CLEC6A: variants seen among roughly 807,000 people sequenced by gnomAD.
CLEC6A encodes C-type lectin domain containing 6A.
In CLEC6A, 22 loss-of-function variants were observed where a neutral mutation model predicts 25.7. The ratio of observed to expected loss-of-function variants is 0.85; its 90% CI spans 0.61 to 1.22. The LOEUF (loss-of-function observed/expected upper bound fraction) is 1.22. Ranked by LOEUF, CLEC6A falls within the 50% of genes most tolerant of loss-of-function variation. The pLI is 0.00. For missense variants in CLEC6A, 240 were observed against 236.8 expected (o/e 1.01, Z -0.09); for synonymous variants, 92 against 76.7 (o/e 1.20, Z -1.04).
intron 1 of CLEC6A, 37 bp downstream of exon 1, chr12:8,456,179 G>A: frequency 6.2e-7 from 1 of 1,607,046 alleles, no homozygotes; most frequent in Non-Finnish European, 8.5e-7. Context: ...AAGTGGAAGT[G>A]TATGGTGAAA....
At chr12:8,470,630 A>G (rs747634330) in intron 4 of CLEC6A, among the ~76,000 whole-genome samples, 22 of 152,326 alleles carry the variant, frequency 1.4e-4, no homozygotes, top group Non-Finnish European at 2.9e-4. Context: ...CATTATTCTA[A>G]GTGAAGTAAC....
chr12:8,459,567 T>TG, intron 2 of CLEC6A, 30 bp from the exon 3 acceptor site: 1 of 1,369,668 alleles, frequency 7.3e-7, no homozygotes, highest in East Asian at 2.3e-5. Context: ...AAATAATAGA[T>TG]GGACACTAAT....
Position 8,473,296 on chromosome 12 carries a change from C to T in CLEC6A, c.370-2829C>T, listed in dbSNP as rs1939930079. Among the ~76,000 whole-genome samples, 2 of 151,704 alleles carry T rather than the reference C, an allele frequency of 1.3e-5. 1 individual carries two copies. Among genetic ancestry groups the T allele is most frequent in the Non-Finnish European group, 2.9e-5 (2 of 67,918 alleles). On this transcript the variant is annotated intron_variant, in intron 4 of 5. Transcript: ENST00000382073. ...GGCGTGAGCCACCGCGCCCGGCCAG[C>T]TCCTACTTCTTATAAGTGAGAACAT...
intron 3 of CLEC6A, among the ~76,000 whole-genome samples, chr12:8,463,771 C>T (rs1313201243): frequency 6.6e-6 from 1 of 152,196 alleles, no homozygotes; most frequent in East Asian, 1.9e-4. Context: ...TTTACACCTG[C>T]TACTTTCTAC....
rs1939696847 is a variant in CLEC6A at position 8,457,823 on chromosome 12, T to C, written c.32-75T>C. 6.7e-6 allele frequency: 7 copies of C among 1,039,966 alleles called. No homozygotes were observed. The East Asian group carries it at 9.5e-5, about 14-fold the overall frequency. 64.4% of individuals were successfully genotyped at this position (1,039,966 alleles called of 1,614,324 possible). A position where few individuals can be genotyped will look rare whatever the true frequency, so the allele number is the denominator to read the frequency against. ...TGAGGTTCTTCATCTAGTTTGTTCA[T>C]TGTTGTAAGCTTCCTGGGGATTTTG... On this transcript the variant is annotated intron_variant, in intron 1 of 5. Transcript: ENST00000382073.
At chr12:8,466,008 G>T (rs1288875571) in intron 4 of CLEC6A, among the ~76,000 whole-genome samples, 1 of 151,768 alleles carries the variant, frequency 6.6e-6, no homozygotes, top group Non-Finnish European at 1.5e-5. Flanking sequence ...TTCACTTTAG[G>T]GCTGAATAAC....
At chr12:8,462,442 A>C (rs7137331) in intron 3 of CLEC6A, among the ~76,000 whole-genome samples, 88,783 of 118,292 alleles carry the variant, frequency 0.75, 33,907 homozygotes, top group East Asian at 0.99. Context: ...CTGCCCGTCC[A>C]TGGGCAATGG....
chr12:8,458,634 A>G (rs1363484467), intron 2 of CLEC6A, among the ~76,000 whole-genome samples: 2 of 152,186 alleles, frequency 1.3e-5, no homozygotes, highest in East Asian at 3.9e-4. Flanking sequence ...ATCAGGTTGT[A>G]GCTATAGTTC....
At chr12:8,474,285 A>T (rs938011069) in intron 4 of CLEC6A, among the ~76,000 whole-genome samples, 24 of 152,132 alleles carry the variant, frequency 1.6e-4, no homozygotes, top group Non-Finnish European at 2.9e-4. Flanking sequence ...ATTCTTCGGC[A>T]TATGATTACC....
intron 4 of CLEC6A, among the ~76,000 whole-genome samples, chr12:8,467,664 A>G (rs1939850212): frequency 6.6e-6 from 1 of 152,178 alleles, no homozygotes; most frequent in South Asian, 2.1e-4. Flanking sequence ...TATTTTGGCT[A>G]TTAGGGATTT....
rs1349520495 is a variant in CLEC6A at position 8,477,709 on chromosome 12, AT to A, written c.*252del. Reference sequence around the variant, plus strand: ...TGTTCCATTCTTTCACTTGTTATTCATTTTTTTCTTTCTTCACACTTCATTA... The same window carrying A: ...TGTTCCATTCTTTCACTTGTTATTCATTTTTTCTTTCTTCACACTTCATTA... On this transcript the variant is annotated 3_prime_UTR_variant, in exon 6 of 6. Coordinates refer to ENST00000382073, the MANE Select transcript of CLEC6A (RefSeq NM_001007033.2). The A allele has an allele frequency of 2.4e-4, 74 of 302,316 alleles. 1 individual carries two copies. Among genetic ancestry groups the A allele is most frequent in the Middle Eastern group, 9.1e-4 (1 of 1,098 alleles). The allele number at this position is 302,316 out of a possible 1,614,324, so 18.7% of individuals were successfully genotyped here. A position where few individuals can be genotyped will look rare whatever the true frequency, so the allele number is the denominator to read the frequency against.
chr12:8,461,204 A>G (rs1939749364), intron 3 of CLEC6A: 2 of 938,742 alleles, frequency 2.1e-6, no homozygotes, highest in South Asian at 1.3e-5. Flanking sequence ...AGAATGTGCA[A>G]TACTCTCCAG....
intron 4 of CLEC6A, 69 bp downstream of exon 4, chr12:8,465,698 C>A (rs1428068919): frequency 1.4e-6 from 2 of 1,384,420 alleles, no homozygotes; most frequent in Non-Finnish European, 1.0e-6. Context: ...CTGTCATAAC[C>A]ATTTTTCAGT....
intron 5 of CLEC6A, 71 bp from the exon 6 acceptor site, chr12:8,477,249 G>A (rs927639086): frequency 7.8e-7 from 1 of 1,287,982 alleles, no homozygotes; most frequent in Non-Finnish European, 1.1e-6. Context: ...GTTCACCCCA[G>A]ACTTTTATAC....
chr12:8,456,426 T>C (rs898603269), intron 1 of CLEC6A, among the ~76,000 whole-genome samples: 1 of 152,194 alleles, frequency 6.6e-6, no homozygotes, highest in Non-Finnish European at 1.5e-5. Flanking sequence ...AAATAACTGA[T>C]TATTGGATGT....
chr12:8,468,340 G>A (rs1219886432), intron 4 of CLEC6A, among the ~76,000 whole-genome samples: 1 of 152,080 alleles, frequency 6.6e-6, no homozygotes, highest in South Asian at 2.1e-4. Flanking sequence ...CATTGATTTT[G>A]CATTCTGAAA....
intron 3 of CLEC6A, chr12:8,461,248 T>C (rs1300920333): frequency 3.0e-6 from 2 of 656,516 alleles, no homozygotes; most frequent in Non-Finnish European, 5.3e-6. Context: ...GTAAAGTTTG[T>C]AAAATTCATA....
In CLEC6A at chr12:8,476,129, T is replaced by A. The variant is rs200474786; in HGVS notation, c.374T>A (p.Phe125Tyr). Residue 125 changes from phenylalanine to tyrosine, a missense_variant, in exon 5 of 6, where the codon TTC (phenylalanine) becomes TAC (tyrosine). Phe to Tyr is a conservative substitution (Grantham distance 22). Coordinates refer to ENST00000382073, the MANE Select transcript of CLEC6A (RefSeq NM_001007033.2). ...VVFNTEAEQN[F>Y]IVQQLNESFS... is the part of the protein sequence containing the mutation. ...CCTTTTTTTTCCTTCATGCAGAATT[T>A]CATTGTCCAGCAGCTGAATGAGTCA... 33 of 1,602,038 alleles carry A rather than the reference T, an allele frequency of 2.1e-5. No homozygotes were observed. In the East Asian group the frequency reaches 2.9e-4, roughly 14 times the overall value.
chr12:8,473,700 A>G (rs1220343470), intron 4 of CLEC6A, among the ~76,000 whole-genome samples: 1 of 152,128 alleles, frequency 6.6e-6, no homozygotes, highest in Admixed American at 6.6e-5. Flanking sequence ...CCAGCAATGT[A>G]TGTAAGTGTT....
Sources: gnomAD v4.1 joint callset for allele counts (sites outside exome capture counted in the v4.1 genomes callset) on GRCh38, gnomAD v4.1.1 for gene constraint, MANE v1.5 for transcripts, NCBI Gene and HGNC (gene_info 2026-07-23, HGNC 2026-07-21) for gene names.